The following PLCB4 variants were observed in gnomAD, a reference collection of about 807,000 sequenced individuals.
The protein encoded by PLCB4 is phospholipase C beta 4, also known as 1-phosphatidylinositol 4,5-bisphosphate phosphodiesterase beta-4.
In PLCB4, 77 loss-of-function variants were observed where a neutral mutation model predicts 178.8. That is an observed-to-expected ratio of 0.43 (90% CI 0.36 to 0.52). The LOEUF is 0.52. PLCB4 is among the 20% of genes least tolerant of loss of function. The probability of loss-of-function intolerance (pLI) is 0.00; values close to 1 mark genes in which losing one functional copy is unlikely to be tolerated. For missense variants in PLCB4, 1,024 were observed against 1,453.4 expected (o/e 0.70, Z 4.80); for synonymous variants, 496 against 490.8 (o/e 1.01, Z -0.14).
At chr20:9,465,419 G>C (rs1375233151) in intron 35 of PLCB4, among the ~76,000 whole-genome samples, 2 of 152,168 alleles carry the variant, frequency 1.3e-5, no homozygotes, top group African/African-American at 4.8e-5. Flanking sequence ...ACATAGTGTT[G>C]GAAGTTCTGG....
At position 9,421,337 on chromosome 20, in the gene PLCB4, C is replaced by T; in HGVS notation, c.2195C>T (p.Thr732Ile). 6.2e-7 allele frequency: 1 copy of T among 1,613,766 alleles called. No individual in the cohort carries two copies. Among genetic ancestry groups the T allele is most frequent in the Non-Finnish European group, 8.5e-7 (1 of 1,179,766 alleles). Reference protein sequence around the residue: ...GQFLSDKKIGTYVEVDMYGLP... With the variant: ...GQFLSDKKIGIYVEVDMYGLP... ...TTCTTATCAGATAAGAAAATTGGCA[C>T]CTACGTAGAGGTGGATATGTATGGG... is the stretch of plus-strand genomic sequence containing the variant. Residue 732 changes from threonine (T) to isoleucine (I), a missense_variant, in exon 27 of 40, where the codon ACC becomes ATC. This residue lies in a region of PLCB4 where 227 missense variants were observed against 374.3 expected (regional missense o/e 0.61). Coordinates refer to ENST00000378473, the MANE Select transcript of PLCB4 (RefSeq NM_001377142.1).
chr20:9,076,192 C>G (rs908631560), intron 1 of PLCB4, among the ~76,000 whole-genome samples: 2 of 152,080 alleles, frequency 1.3e-5, no homozygotes, highest in East Asian at 3.9e-4. Flanking sequence ...CCTGGCCGGG[C>G]GCGATGGCTC....
intron 2 of PLCB4, among the ~76,000 whole-genome samples, chr20:9,144,044 G>C (rs1420159016): frequency 6.6e-6 from 1 of 152,142 alleles, no homozygotes. Context: ...TCCTTGAGAA[G>C]TCTTTCTGAA....
At chr20:9,128,768 C>A (rs990989287) in intron 2 of PLCB4, among the ~76,000 whole-genome samples, 9 of 152,178 alleles carry the variant, frequency 5.9e-5, no homozygotes, top group African/African-American at 2.2e-4. Flanking sequence ...TACTATTCAT[C>A]TCCAGAACTT....
At chr20:9,151,095 C>T (rs367750806) in intron 2 of PLCB4, among the ~76,000 whole-genome samples, 10 of 151,852 alleles carry the variant, frequency 6.6e-5, no homozygotes, top group Middle Eastern at 3.4e-3. Flanking sequence ...CAACTAAGCT[C>T]GGATAGAAAA....
At chr20:9,191,720 A>G (rs796204309) in intron 2 of PLCB4, among the ~76,000 whole-genome samples, 29 of 152,226 alleles carry the variant, frequency 1.9e-4, no homozygotes, top group African/African-American at 6.3e-4. Context: ...CTAGGGATCT[A>G]TAATACACAG....
intron 4 of PLCB4, among the ~76,000 whole-genome samples, chr20:9,312,386 A>G (rs3966749): frequency 2.0e-4 from 30 of 146,682 alleles, no homozygotes; most frequent in Middle Eastern, 7.0e-3. Context: ...ACACACACAC[A>G]CACACACACA....
intron 36 of PLCB4, among the ~76,000 whole-genome samples, chr20:9,469,720 C>T (rs3787306): frequency 0.49 from 73,784 of 152,026 alleles, 20,588 homozygotes; most frequent in African/African-American, 0.77. Context: ...AGTCATTGGC[C>T]GCCTGAGACT....
intron 2 of PLCB4, among the ~76,000 whole-genome samples, chr20:9,110,089 T>G (rs2091519705): frequency 1.3e-5 from 2 of 152,150 alleles, no homozygotes; most frequent in African/African-American, 4.8e-5. Context: ...TAAACAGTAC[T>G]CAACTATTTT....
chr20:9,288,295 C>T (rs1379877856), intron 3 of PLCB4, among the ~76,000 whole-genome samples: 2 of 151,908 alleles, frequency 1.3e-5, no homozygotes, highest in Non-Finnish European at 2.9e-5. Flanking sequence ...CCTAAGACTG[C>T]GTTAAGGTTT....
At chr20:9,341,481 G>A (rs1033808708) in intron 7 of PLCB4, among the ~76,000 whole-genome samples, 3 of 152,104 alleles carry the variant, frequency 2.0e-5, no homozygotes, top group Non-Finnish European at 2.9e-5. Flanking sequence ...AAAATCATAA[G>A]GAAGAAAAAA....
At chr20:9,169,832 C>T (rs1490627790) in intron 2 of PLCB4, among the ~76,000 whole-genome samples, 3 of 152,070 alleles carry the variant, frequency 2.0e-5, no homozygotes, top group Non-Finnish European at 4.4e-5. Flanking sequence ...TAGATTCTAC[C>T]ATGAACACTT....
At chr20:9,101,445 T>C (rs2091147683) in intron 2 of PLCB4, among the ~76,000 whole-genome samples, 1 of 152,136 alleles carries the variant, frequency 6.6e-6, no homozygotes, top group Non-Finnish European at 1.5e-5. Context: ...TTAATAGTCA[T>C]ATTTGCCGTC....
intron 9 of PLCB4, among the ~76,000 whole-genome samples, chr20:9,366,645 C>A (rs1045070531): frequency 6.6e-6 from 1 of 152,132 alleles, no homozygotes; most frequent in Non-Finnish European, 1.5e-5. Context: ...TCTTCAGTAC[C>A]TTTTTGGTTG....
intron 28 of PLCB4, among the ~76,000 whole-genome samples, chr20:9,432,863 A>G (rs2041517846): frequency 6.6e-6 from 1 of 152,198 alleles, no homozygotes; most frequent in Non-Finnish European, 1.5e-5. Context: ...TGAACATTGC[A>G]TTTCCTCTCT....
chr20:9,248,214 T>G (rs1196556622), intron 3 of PLCB4, among the ~76,000 whole-genome samples: 1 of 152,162 alleles, frequency 6.6e-6, no homozygotes, highest in Admixed American at 6.5e-5. Context: ...ACATCGAAAG[T>G]ATGTGTATGT....
At chr20:9,411,734 A>C (rs1034385948) in intron 25 of PLCB4, among the ~76,000 whole-genome samples, 1 of 149,852 alleles carries the variant, frequency 6.7e-6, no homozygotes, top group African/African-American at 2.5e-5. Flanking sequence ...AAAAAAAAAA[A>C]CACAACTATG....
chr20:9,076,069 T>C (rs1256481830), intron 1 of PLCB4, among the ~76,000 whole-genome samples: 1 of 152,196 alleles, frequency 6.6e-6, no homozygotes, highest in Non-Finnish European at 1.5e-5. Flanking sequence ...TTTCTGCTTG[T>C]TTATTCTCTC....
chr20:9,162,316 C>G (rs1323624008), intron 2 of PLCB4, among the ~76,000 whole-genome samples: 1 of 152,108 alleles, frequency 6.6e-6, no homozygotes, highest in Non-Finnish European at 1.5e-5. Flanking sequence ...AATCCATAGA[C>G]TTTTGGAGGA....
Sources: allele counts gnomAD v4.1 joint callset (sites outside exome capture counted in the v4.1 genomes callset), GRCh38; gene constraint gnomAD v4.1.1; regional missense constraint gnomAD v4.1.1; transcripts MANE v1.5; gene names NCBI Gene and HGNC (gene_info 2026-07-23, HGNC 2026-07-21).